DHX29: variants seen among roughly 807,000 people sequenced by gnomAD.
The protein encoded by DHX29 is DExH-box helicase 29.
In DHX29, 79 loss-of-function variants were observed where a neutral mutation model predicts 167.9. The observed-to-expected ratio is 0.47, with a 90% CI of 0.39 to 0.57. DHX29 has a LOEUF of 0.57. Ranked by LOEUF, DHX29 falls within the 20% of genes least tolerant of loss-of-function variation. The probability of loss-of-function intolerance (pLI) is 0.00; values close to 1 mark genes in which losing one functional copy is unlikely to be tolerated. For synonymous variants in DHX29, 530 were observed against 546.0 expected, an observed-to-expected ratio of 0.97 and a Z score of 0.41; for missense variants, 1,347 against 1,593.4, an observed-to-expected ratio of 0.85 and a Z score of 2.63.
rs745463488 is a variant in DHX29, at chr5:55,269,643, G to T, written c.3070-6C>A. The stretch of plus-strand genomic sequence containing the variant: ...GGAGAACCAAGATTACATTTCTGCA[G>T]ATTAAAAAAGCAATAAAATTGGTAT... On this transcript the variant is annotated splice_region_variant and splice_polypyrimidine_tract_variant and intron_variant, in intron 20 of 26. Transcript: ENST00000251636. 37 of 1,605,274 alleles carry T rather than the reference G, an allele frequency of 2.3e-5. 1 individual carries two copies. In the South Asian group the frequency reaches 4.1e-4, roughly 18 times the overall value.
At chr5:55,290,684 A>G (rs1335691506) in intron 6 of DHX29, among the ~76,000 whole-genome samples, 1 of 152,256 alleles carries the variant, frequency 6.6e-6, no homozygotes, top group Non-Finnish European at 1.5e-5. Flanking sequence ...AGTAAACCAA[A>G]GCAAACTGCA....
Position 55,262,750 on chromosome 5 carries a change from T to C in DHX29, c.3708A>G (p.Ser1236=), listed in dbSNP as rs753000764. 1 of 1,614,152 alleles carries C rather than the reference T, an allele frequency of 6.2e-7. No homozygotes were observed. Among genetic ancestry groups the C allele is most frequent in the Admixed American group, 1.7e-5 (1 of 60,014 alleles). The change falls in exon 24 of 27, where the codon TCA becomes TCG. Residue 1236 remains serine, a synonymous_variant. Transcript: ENST00000251636. ...AAGCCAATTTTTCTGTAACATCCAC[T>C]GACTTTGTATAGATTATCTTCCCCA... is the stretch of plus-strand genomic sequence containing the variant. ...DNVGKIIYTK[S]VDVTEKLACI...
chr5:55,259,243 A>G (rs1479820309), intron 26 of DHX29, among the ~76,000 whole-genome samples: 1 of 152,030 alleles, frequency 6.6e-6, no homozygotes. Flanking sequence ...CTTTTTTTCT[A>G]TGAAATGGCT....
chr5:55,265,094 G>T (rs199592280), intron 23 of DHX29, among the ~76,000 whole-genome samples: 2 of 136,496 alleles, frequency 1.5e-5, no homozygotes, highest in Admixed American at 7.3e-5. Context: ...AAAGAAAAAA[G>T]AAAAAAAAAA....
intron 2 of DHX29, 40 bp from the exon 3 acceptor site, chr5:55,297,438 T>C (rs1333308224): frequency 2.3e-6 from 2 of 857,904 alleles, no homozygotes; most frequent in Non-Finnish European, 3.8e-6. Context: ...AGAAGCTAAA[T>C]TATTAAAAAA....
At chr5:55,306,067 G>A (rs1022343724) in intron 1 of DHX29, among the ~76,000 whole-genome samples, 1 of 152,128 alleles carries the variant, frequency 6.6e-6, no homozygotes, top group African/African-American at 2.4e-5. Context: ...TAAAAAAGAG[G>A]CTGATCCACA....
Position 55,274,655 on chromosome 5 carries a change from C to A in DHX29, c.2649G>T (p.Leu883Phe). ...FLPGLAHIQQ[L>F]YDLLSNDRRF... ...TTCTATCATTTGATAGAAGATCATACAACTGCTGAATATGAGCAAGTCCTG... is the reference window on the plus strand; with the variant it reads ...TTCTATCATTTGATAGAAGATCATAAAACTGCTGAATATGAGCAAGTCCTG... Residue 883 changes from leucine to phenylalanine, a missense_variant, in exon 16 of 27, where the codon TTG becomes TTT. By Grantham distance (22) the Leu-to-Phe change is conservative (BLOSUM62 0). This residue lies in a region of DHX29 where 882 missense variants were observed against 1,082.4 expected (regional missense o/e 0.81). Transcript: ENST00000251636. The A allele has an allele frequency of 6.2e-7, 1 of 1,604,498 alleles. No homozygotes were observed. Among genetic ancestry groups the A allele is most frequent in the Non-Finnish European group, 8.5e-7 (1 of 1,176,590 alleles).
chr5:55,292,516 A>C (rs749934078), intron 6 of DHX29, among the ~76,000 whole-genome samples: 1 of 152,082 alleles, frequency 6.6e-6, no homozygotes, highest in African/African-American at 2.4e-5. Flanking sequence ...CAATATTCCA[A>C]ACCACCTCGA....
In DHX29 at chr5:55,267,835, CATAA is replaced by C. The variant is rs1203070494; in HGVS notation, c.3295-17_3295-14del. ...CAGCTAGTGTTGCCTATCCATAAAT[CATAA>C]ATGACAAAACAATTTATCATTAAAG... On this transcript the variant is annotated splice_polypyrimidine_tract_variant and intron_variant, in intron 21 of 26. Coordinates refer to ENST00000251636, the MANE Select transcript of DHX29 (RefSeq NM_019030.4). The C allele has an allele frequency of 6.3e-7, 1 of 1,578,066 alleles. No individual in the cohort carries two copies. The highest frequency in any genetic ancestry group is 1.8e-5 in the Admixed American group (1 of 56,086).
intron 21 of DHX29, 101 bp downstream of exon 21, chr5:55,269,312 A>C: frequency 2.7e-6 from 3 of 1,109,850 alleles, no homozygotes; most frequent in Non-Finnish European, 3.9e-6. Context: ...TAGACATTCT[A>C]TTTAGTTAAA....
At chr5:55,266,927 T>C (rs1746606125) in intron 23 of DHX29, among the ~76,000 whole-genome samples, 2 of 152,244 alleles carry the variant, frequency 1.3e-5, no homozygotes, top group Non-Finnish European at 2.9e-5. Context: ...TTCTTGAACA[T>C]ATTATGATTA....
chr5:55,295,182 T>C (rs944106539), intron 5 of DHX29, 197 bp downstream of exon 5: 16 of 525,986 alleles, frequency 3.0e-5, no homozygotes, highest in Middle Eastern at 5.0e-4. Flanking sequence ...TGAGAAATAA[T>C]AGTTGGTTTA....
rs1387829926 is a variant in DHX29, at chr5:55,285,831, T to G, written c.1097A>C (p.Asn366Thr). The change falls in exon 9 of 27, where the codon AAT becomes ACT. Residue 366 changes from asparagine to threonine, a missense_variant. Asn to Thr is a moderately conservative substitution (Grantham distance 65). This residue lies in a region of DHX29 where 60 missense variants were observed against 94.2 expected (regional missense o/e 0.64). Coordinates refer to ENST00000251636, the MANE Select transcript of DHX29 (RefSeq NM_019030.4). ...DKKKEPHDVRNFDYTARSWTG... is the reference protein window; with the variant it reads ...DKKKEPHDVRTFDYTARSWTG... The stretch of plus-strand genomic sequence containing the variant: ...CCAACTTCGAGCAGTATAGTCAAAA[T>G]TTCTTACATCATGAGGTTCTTTCTT... The G allele has an allele frequency of 1.3e-6, 2 of 1,581,338 alleles. No individual in the cohort carries two copies. The highest frequency in any genetic ancestry group is 1.4e-5 in the African/African-American group (1 of 73,950).
intron 1 of DHX29, among the ~76,000 whole-genome samples, chr5:55,300,932 G>T (rs7705376): frequency 0.47 from 71,616 of 151,904 alleles, 17,631 homozygotes; most frequent in African/African-American, 0.62. Context: ...ACCAGCAAGG[G>T]AGGTTTCATT....
chr5:55,303,693 C>A (rs1200494655), intron 1 of DHX29, among the ~76,000 whole-genome samples: 1 of 152,192 alleles, frequency 6.6e-6, no homozygotes, highest in African/African-American at 2.4e-5. Context: ...ACATGTCAAA[C>A]TTGTTTCCAC....
Position 55,307,489 on chromosome 5 carries a change from C to A in DHX29, c.85G>T (p.Glu29Ter). ...TGGGCCTCCCCGGCAATTCCAGCCT[C>A]GGCAGATTTGGCTCTGGAAGCAGAC... ...AVSASRAKSA[E>*]AGIAGEAQSK... is the part of the protein sequence containing the mutation. The change falls in exon 1 of 27, where the codon GAG becomes TAG. Residue 29 changes from glutamate (E) to a stop codon, truncating the protein, a stop_gained. Coordinates refer to ENST00000251636, the MANE Select transcript of DHX29 (RefSeq NM_019030.4). LOFTEE classifies it high-confidence loss of function. 1 of 1,613,650 alleles carries A rather than the reference C, an allele frequency of 6.2e-7. No individual in the cohort carries two copies. The highest frequency in any genetic ancestry group is 8.5e-7 in the Non-Finnish European group (1 of 1,179,966).
chr5:55,307,362 C>T, intron 1 of DHX29, 25 bp downstream of exon 1: 1 of 1,602,218 alleles, frequency 6.2e-7, no homozygotes, highest in Non-Finnish European at 8.5e-7. Context: ...GGGCAGACAG[C>T]CAGGGGCTGG....
At chr5:55,297,170 G>T in intron 3 of DHX29, 115 bp downstream of exon 3, 1 of 611,208 alleles carries the variant, frequency 1.6e-6, no homozygotes, top group Admixed American at 3.1e-5. Flanking sequence ...CTTAGAGATG[G>T]AAATGATCTA....
At position 55,267,724 on chromosome 5, in the gene DHX29, C is replaced by T. The variant is rs551655345; in HGVS notation, c.3393G>A (p.Ala1131=). The change falls in exon 22 of 27, where the codon GCG becomes GCA. Residue 1131 remains alanine (A), a synonymous_variant. Coordinates refer to ENST00000251636, the MANE Select transcript of DHX29 (RefSeq NM_019030.4). Reference sequence around the variant, plus strand: ...TGTAGATCGTCAGGTGGTCTGAATCCGCCATGGCCAAAGCTGATTTTGCAA... The same window carrying T: ...TGTAGATCGTCAGGTGGTCTGAATCTGCCATGGCCAAAGCTGATTTTGCAA... ...ADLAKSALAM[A]DSDHLTIYNA... is the part of the protein sequence containing the mutation. The T allele has an allele frequency of 1.4e-5, 22 of 1,604,544 alleles. No individual in the cohort carries two copies. Among genetic ancestry groups the T allele is most frequent in the African/African-American group, 1.1e-4 (8 of 74,186 alleles).
Sources: gnomAD v4.1 joint callset for allele counts (sites outside exome capture counted in the v4.1 genomes callset) on GRCh38, gnomAD v4.1.1 for gene constraint, gnomAD v4.1.1 regional missense constraint, MANE v1.5 for transcripts, NCBI Gene and HGNC (gene_info 2026-07-23, HGNC 2026-07-21) for gene names.